Variants in LIPI observed in about 807,000 individuals in gnomAD.
The protein encoded by LIPI is lipase I, also known as lipase member I.
Under a neutral mutation model 50.6 loss-of-function variants are expected in LIPI, and 59 were observed. The ratio of observed to expected loss-of-function variants is 1.16; its 90% CI spans 0.94 to 1.45. The LOEUF is 1.45. Among genes scored for constraint, LIPI ranks in the 40% most tolerant of loss-of-function variants. The pLI is 0.00. For missense variants in LIPI, 586 were observed against 536.3 expected, an observed-to-expected ratio of 1.09 and a Z score of -0.92; for synonymous variants, 203 against 178.2, an observed-to-expected ratio of 1.14 and a Z score of -1.11.
rs1296504678 is a variant in LIPI at position 14,191,329 on chromosome 21, A to T, written c.47-1910T>A. On this transcript the variant is annotated intron_variant, in intron 1 of 9. Transcript: ENST00000681601. ...GAGGCGGAGCTTGCAGTGAGCCGAGATCCCGCCACTGCACTCCAGCCTGGG... is the reference window on the plus strand; with the variant it reads ...GAGGCGGAGCTTGCAGTGAGCCGAGTTCCCGCCACTGCACTCCAGCCTGGG... Among the ~76,000 whole-genome samples, 8 of 148,430 alleles carry T rather than the reference A, an allele frequency of 5.4e-5. No homozygotes were observed. In the East Asian group the frequency reaches 1.6e-3, roughly 29 times the overall value.
intron 4 of LIPI, among the ~76,000 whole-genome samples, chr21:14,169,001 T>C (rs1269733406): frequency 6.6e-6 from 1 of 151,086 alleles, no homozygotes; most frequent in Non-Finnish European, 1.5e-5. Flanking sequence ...AGGCTCAAAA[T>C]AAAAGGATGG....
At chr21:14,152,145 G>C (rs1039493365) in intron 8 of LIPI, among the ~76,000 whole-genome samples, 1 of 151,564 alleles carries the variant, frequency 6.6e-6, no homozygotes, top group African/African-American at 2.4e-5. Flanking sequence ...CTGTCACCCA[G>C]GCTGGAGGGC....
chr21:14,183,727 G>T (rs1372994513), intron 3 of LIPI, among the ~76,000 whole-genome samples: 1 of 152,148 alleles, frequency 6.6e-6, no homozygotes, highest in Non-Finnish European at 1.5e-5. Flanking sequence ...ATGAAAAAAT[G>T]CTCATCATCA....
chr21:14,170,453 C>T (rs1438198078), intron 4 of LIPI, among the ~76,000 whole-genome samples: 1 of 152,068 alleles, frequency 6.6e-6, no homozygotes, highest in Non-Finnish European at 1.5e-5. Context: ...AACATTGATG[C>T]AAAAATCCTC....
intron 4 of LIPI, among the ~76,000 whole-genome samples, chr21:14,179,152 A>C (rs76522857): frequency 0.044 from 6,638 of 152,140 alleles, 179 homozygotes; most frequent in African/African-American, 0.072. Context: ...CTCAGCAAAA[A>C]TGTATGCCCT....
At chr21:14,186,617 C>T (rs1324074569) in intron 2 of LIPI, among the ~76,000 whole-genome samples, 3 of 152,172 alleles carry the variant, frequency 2.0e-5, no homozygotes, top group Non-Finnish European at 4.4e-5. Context: ...CTGCTGTGGT[C>T]TGAATGTTTG....
At chr21:14,176,152 T>G (rs1468019182) in intron 4 of LIPI, among the ~76,000 whole-genome samples, 1 of 141,904 alleles carries the variant, frequency 7.0e-6, no homozygotes, top group African/African-American at 2.7e-5. Context: ...CACTCCAGCC[T>G]GGGCGACAGT....
In LIPI at chr21:14,186,082, A is replaced by G. The variant is rs780244519; in HGVS notation, c.433-13T>C. 4.3e-6 allele frequency: 6 copies of G among 1,395,052 alleles called. No homozygotes were observed. The South Asian group carries it at 6.9e-5, about 16-fold the overall frequency. 86.4% of individuals were successfully genotyped at this position (1,395,052 alleles called of 1,614,324 possible). On this transcript the variant is annotated splice_polypyrimidine_tract_variant and intron_variant, in intron 2 of 9. Coordinates refer to ENST00000681601, the MANE Select transcript of LIPI (RefSeq NM_001302998.2). ...ATGCACCATGCTTCTGCAATTAAAG[A>G]GAAAGGCAATATTACAGTATTCATT... is the stretch of plus-strand genomic sequence containing the variant.
chr21:14,112,095 C>G (rs1252035334), intron 9 of LIPI, among the ~76,000 whole-genome samples: 4 of 152,030 alleles, frequency 2.6e-5, no homozygotes, highest in Non-Finnish European at 4.4e-5. Context: ...AGAGACTGTC[C>G]TTTCTCCATT....
intron 9 of LIPI, among the ~76,000 whole-genome samples, chr21:14,126,079 A>G (rs2017053913): frequency 6.6e-6 from 1 of 152,196 alleles, no homozygotes; most frequent in African/African-American, 2.4e-5. Flanking sequence ...GAGAACGTGG[A>G]GCTCTTACAT....
intron 4 of LIPI, among the ~76,000 whole-genome samples, chr21:14,175,559 A>G (rs2019065243): frequency 6.6e-6 from 1 of 152,040 alleles, no homozygotes; most frequent in Admixed American, 6.6e-5. Context: ...TGACATTTTA[A>G]TCTTTTCATT....
At chr21:14,122,127 T>C (rs917915809) in intron 9 of LIPI, among the ~76,000 whole-genome samples, 1 of 152,316 alleles carries the variant, frequency 6.6e-6, no homozygotes, top group East Asian at 1.9e-4. Context: ...TTGATCACAG[T>C]AGTGACAATA....
intron 8 of LIPI, among the ~76,000 whole-genome samples, chr21:14,145,333 G>A (rs1298101056): frequency 1.3e-5 from 2 of 152,056 alleles, no homozygotes; most frequent in African/African-American, 2.4e-5. Flanking sequence ...CCTTTTATTA[G>A]GTACTATGAG....
chr21:14,160,767 A>G (rs141946556), intron 7 of LIPI, among the ~76,000 whole-genome samples: 11 of 151,550 alleles, frequency 7.3e-5, no homozygotes, highest in African/African-American at 2.6e-4. Context: ...TAGTTTAGAA[A>G]TTATATAAAG....
intron 9 of LIPI, among the ~76,000 whole-genome samples, chr21:14,118,624 T>C (rs763568098): frequency 1.3e-5 from 2 of 152,162 alleles, no homozygotes; most frequent in Admixed American, 1.3e-4. Context: ...GGAGACTTCA[T>C]GAAAGTAGTT....
intron 3 of LIPI, among the ~76,000 whole-genome samples, chr21:14,183,754 T>C (rs1234595260): frequency 2.6e-5 from 4 of 152,154 alleles, no homozygotes; most frequent in Admixed American, 6.5e-5. Flanking sequence ...ATCAGAGAAA[T>C]GCAAATCAAA....
chr21:14,178,346 C>T (rs1314206214), intron 4 of LIPI, among the ~76,000 whole-genome samples: 1 of 152,002 alleles, frequency 6.6e-6, no homozygotes, highest in Non-Finnish European at 1.5e-5. Context: ...ATGTCATTGC[C>T]TATCCTATGC....
intron 7 of LIPI, 148 bp downstream of exon 7, chr21:14,163,271 T>A: frequency 9.0e-6 from 5 of 554,772 alleles, no homozygotes; most frequent in Non-Finnish European, 1.6e-5. Context: ...CTTAGTTGAA[T>A]TTGTCCCACT....
chr21:14,128,820 A>G (rs977121318), intron 9 of LIPI, among the ~76,000 whole-genome samples: 2 of 152,138 alleles, frequency 1.3e-5, no homozygotes, highest in African/African-American at 4.8e-5. Flanking sequence ...ATTGCAATCA[A>G]TGCAGATTTT....
Sources: allele counts gnomAD v4.1 joint callset (sites outside exome capture counted in the v4.1 genomes callset), GRCh38; gene constraint gnomAD v4.1.1; transcripts MANE v1.5; gene names NCBI Gene and HGNC (gene_info 2026-07-23, HGNC 2026-07-21).